Variants in UBAP1 observed in about 807,000 individuals in gnomAD.
UBAP1 encodes ubiquitin associated protein 1.
A neutral mutation model predicts 39.0 loss-of-function variants in UBAP1; 5 were observed. The ratio of observed to expected loss-of-function variants is 0.13; its 90% confidence interval spans 0.07 to 0.27. UBAP1 has a LOEUF of 0.27. Among genes scored for constraint, UBAP1 ranks in the 10% least tolerant of loss-of-function variants. UBAP1 has a pLI of 1.00. For synonymous variants in UBAP1, 211 were observed against 225.1 expected (o/e 0.94, Z 0.56); for missense variants, 490 against 608.1 (o/e 0.81, Z 2.04).
chr9:34,248,881 C>T (rs369476359), intron 4 of UBAP1, among the ~76,000 whole-genome samples: 14 of 152,200 alleles, frequency 9.2e-5, no homozygotes, highest in African/African-American at 3.1e-4. Context: ...TTGGGACCTG[C>T]GCCAAGCTGT....
chr9:34,179,019 G>A (rs1829867333), upstream of UBAP1: 1 of 1,258,886 alleles, frequency 7.9e-7, no homozygotes, highest in East Asian at 3.1e-5. Context: ...GCCCAAATGA[G>A]TGGGGCGGTG....
intron 1 of UBAP1, among the ~76,000 whole-genome samples, chr9:34,216,490 T>C (rs1384663631): frequency 1.3e-5 from 2 of 151,980 alleles, no homozygotes; most frequent in African/African-American, 4.8e-5. Context: ...CTTCTTTTTT[T>C]TATTTTAAAT....
At chr9:34,188,686 T>G (rs535338619) in intron 1 of UBAP1, among the ~76,000 whole-genome samples, 134 of 152,176 alleles carry the variant, frequency 8.8e-4, no homozygotes, top group African/African-American at 3.0e-3. Context: ...GCCGGGTGCG[T>G]TGGCTCACGC....
chr9:34,220,809 T>G lies in UBAP1; in HGVS notation c.-7-99T>G, dbSNP rs1265556758. On this transcript the variant is annotated intron_variant, in intron 1 of 6. Transcript: ENST00000297661. ...TGAGACGTGAGGATTCTGTCAGCCC[T>G]AAAACCTTAGGTCTTCTGGTTTCTT... 12 of 1,041,032 alleles carry G rather than the reference T, an allele frequency of 1.2e-5. No homozygotes were observed. In the East Asian group the frequency reaches 3.0e-4, roughly 26 times the overall value. The allele number at this position is 1,041,032 out of a possible 1,614,324, so 64.5% of individuals were successfully genotyped here.
intron 3 of UBAP1, 73 bp downstream of exon 3, chr9:34,234,413 A>G: frequency 6.7e-7 from 1 of 1,492,292 alleles, no homozygotes; most frequent in Non-Finnish European, 9.0e-7. Flanking sequence ...GTATAGTGAA[A>G]TAGAAAAAAT....
chr9:34,199,963 T>C (rs1831279758), intron 1 of UBAP1, among the ~76,000 whole-genome samples: 1 of 152,118 alleles, frequency 6.6e-6, no homozygotes, highest in South Asian at 2.1e-4. Context: ...TCTACAATTT[T>C]TTTTTTTCTA....
At chr9:34,181,176 G>A (rs1360680264) in intron 1 of UBAP1, among the ~76,000 whole-genome samples, 1 of 130,802 alleles carries the variant, frequency 7.6e-6, no homozygotes, top group South Asian at 2.5e-4. Flanking sequence ...GTGCAGTGGC[G>A]CAATCTCAGC....
At chr9:34,223,207 G>A (rs1412204164) in intron 2 of UBAP1, among the ~76,000 whole-genome samples, 1 of 152,088 alleles carries the variant, frequency 6.6e-6, no homozygotes, top group Non-Finnish European at 1.5e-5. Flanking sequence ...GAGGCGGGCG[G>A]ATCACCTGAG....
chr9:34,203,589 AAT>A (rs1831520323), intron 1 of UBAP1, among the ~76,000 whole-genome samples: 1 of 152,204 alleles, frequency 6.6e-6, no homozygotes, highest in African/African-American at 2.4e-5. Context: ...ATAAGCTACA[AAT>A]ATATATTTGT....
At position 34,251,466 on chromosome 9, in the gene UBAP1, G is replaced by A; in HGVS notation, c.1443G>A (p.Leu481=). The A allele has an allele frequency of 6.2e-7, 1 of 1,614,176 alleles. No individual in the cohort carries two copies. Among genetic ancestry groups the A allele is most frequent in the South Asian group, 1.1e-5 (1 of 91,090 alleles). ...GFELKDIKEV[L]LLHNNDQDNA... ...AGCTGAAAGACATTAAGGAAGTTTT[G>A]CTATTACACAACAATGACCAGGACA... The change falls in exon 7 of 7, where the codon TTG becomes TTA. Residue 481 remains leucine (L), a synonymous_variant. Transcript: ENST00000297661.
At chr9:34,215,593 C>T (rs888336083) in intron 1 of UBAP1, among the ~76,000 whole-genome samples, 2 of 151,608 alleles carry the variant, frequency 1.3e-5, no homozygotes, top group Non-Finnish European at 2.9e-5. Flanking sequence ...GTATACTGCT[C>T]GGGTGATGGG....
At chr9:34,236,222 A>G (rs937571899) in intron 3 of UBAP1, among the ~76,000 whole-genome samples, 1 of 152,156 alleles carries the variant, frequency 6.6e-6, no homozygotes, top group East Asian at 1.9e-4. Flanking sequence ...AGGTTTAGAT[A>G]CATAAATACT....
In UBAP1 at chr9:34,224,321, T is replaced by C. The variant is rs1655161798; in HGVS notation, c.34+3373T>C. 5 of 448,974 alleles carry C rather than the reference T, an allele frequency of 1.1e-5. No homozygotes were observed. The Admixed American group carries it at 1.7e-4, about 15-fold the overall frequency. 27.8% of individuals were successfully genotyped at this position (448,974 alleles called of 1,614,324 possible). ...GTCGATGAGTATGGTGTGCTGTCAA[T>C]GAGCATGAAGCAATTCTTCACCAGG... On this transcript the variant is annotated intron_variant, in intron 2 of 6. Transcript: ENST00000297661.
intron 1 of UBAP1, among the ~76,000 whole-genome samples, chr9:34,208,667 A>C (rs1394570045): frequency 6.6e-6 from 1 of 151,392 alleles, no homozygotes; most frequent in Non-Finnish European, 1.5e-5. Context: ...AGTCCCAGCT[A>C]CTTGGGAGGC....
chr9:34,226,103 T>TG (rs1833036991), intron 2 of UBAP1, among the ~76,000 whole-genome samples: 1 of 49,622 alleles, frequency 2.0e-5, no homozygotes, highest in South Asian at 6.3e-4. Context: ...CCTCCTACTC[T>TG]ATTGTGTGTG....
At chr9:34,248,680 AG>A (rs1462962381) in intron 4 of UBAP1, among the ~76,000 whole-genome samples, 2 of 152,232 alleles carry the variant, frequency 1.3e-5, no homozygotes, top group African/African-American at 4.8e-5. Flanking sequence ...AAGCACCAAC[AG>A]AATGGGCTCT....
intron 1 of UBAP1, among the ~76,000 whole-genome samples, chr9:34,180,947 A>G (rs1829983023): frequency 6.8e-6 from 1 of 147,822 alleles, no homozygotes; most frequent in Non-Finnish European, 1.5e-5. Context: ...AGTAGCTGAG[A>G]TTATAGACAC....
intron 3 of UBAP1, among the ~76,000 whole-genome samples, chr9:34,235,224 A>G (rs1192119551): frequency 1.3e-5 from 2 of 152,210 alleles, no homozygotes; most frequent in South Asian, 2.1e-4. Flanking sequence ...TTTAATGTTT[A>G]TAAAGTTAAA....
At position 34,234,419 on chromosome 9, in the gene UBAP1, A is replaced by G. The variant is rs982899433; in HGVS notation, c.159+79A>G. Reference sequence around the variant, plus strand: ...GAATTTGATGTATAGTGAAATAGAAAAAATTACAGTTGTGAGCTGAATCAT... The same window carrying G: ...GAATTTGATGTATAGTGAAATAGAAGAAATTACAGTTGTGAGCTGAATCAT... On this transcript the variant is annotated intron_variant, in intron 3 of 6. Coordinates refer to ENST00000297661, the MANE Select transcript of UBAP1 (RefSeq NM_016525.5). 9 of 1,470,466 alleles carry G rather than the reference A, an allele frequency of 6.1e-6. No homozygotes were observed. In the African/African-American group the frequency reaches 9.9e-5, roughly 16 times the overall value. The allele number at this position is 1,470,466 out of a possible 1,614,324, so 91.1% of individuals were successfully genotyped here.
Sources: allele counts gnomAD v4.1 joint callset (sites outside exome capture counted in the v4.1 genomes callset), GRCh38; gene constraint gnomAD v4.1.1; transcripts MANE v1.5; gene names NCBI Gene and HGNC (gene_info 2026-07-23, HGNC 2026-07-21).